The following AUTS2 variants were observed in gnomAD, a reference collection of about 807,000 sequenced individuals.
AUTS2 encodes the protein autism susceptibility gene 2 protein.
AUTS2 carries 17 observed loss-of-function variants against 112.4 expected under a neutral mutation model. The ratio of observed to expected loss-of-function variants is 0.15; its 90% CI spans 0.10 to 0.23. AUTS2 has a LOEUF of 0.23. Ranked by LOEUF, AUTS2 falls within the 10% of genes least tolerant of loss-of-function variation. AUTS2 has a pLI of 1.00. For synonymous variants in AUTS2, 751 were observed against 702.7 expected, an observed-to-expected ratio of 1.07 and a Z score of -1.09; for missense variants, 1,510 against 1,701.6, an observed-to-expected ratio of 0.89 and a Z score of 1.98.
chr7:70,538,065 A>C (rs1800393492), intron 5 of AUTS2, among the ~76,000 whole-genome samples: 1 of 152,160 alleles, frequency 6.6e-6, no homozygotes, highest in South Asian at 2.1e-4. Flanking sequence ...GTGAGACCCC[A>C]TTTCTACAAA....
intron 4 of AUTS2, among the ~76,000 whole-genome samples, chr7:70,192,001 A>G (rs1326027496): frequency 6.6e-6 from 1 of 151,988 alleles, no homozygotes; most frequent in African/African-American, 2.4e-5. Flanking sequence ...AAAAGAAAAG[A>G]GAAAAGTAGT....
intron 1 of AUTS2, among the ~76,000 whole-genome samples, chr7:69,847,293 A>G (rs886416221): frequency 6.6e-6 from 1 of 152,198 alleles, no homozygotes; most frequent in Non-Finnish European, 1.5e-5. Context: ...GAGCGTGTGG[A>G]TAGAGAGAGG....
intron 2 of AUTS2, among the ~76,000 whole-genome samples, chr7:70,034,926 G>A (rs1035609929): frequency 2.0e-5 from 3 of 152,040 alleles, no homozygotes; most frequent in Non-Finnish European, 4.4e-5. Flanking sequence ...GGAATTTTTG[G>A]GCCCAAGCGA....
chr7:70,154,752 G>T (rs2129576650), intron 4 of AUTS2, among the ~76,000 whole-genome samples: 2 of 152,348 alleles, frequency 1.3e-5, no homozygotes, highest in South Asian at 4.1e-4. Context: ...GACTTTGGAG[G>T]CTGGAGTGCA....
chr7:70,079,224 G>A (rs1005633817), intron 2 of AUTS2, among the ~76,000 whole-genome samples: 1 of 152,142 alleles, frequency 6.6e-6, no homozygotes, highest in Non-Finnish European at 1.5e-5. Flanking sequence ...GTGACAAAAG[G>A]ATTGTACTTT....
At chr7:70,526,989 A>G (rs768501406) in intron 5 of AUTS2, among the ~76,000 whole-genome samples, 1 of 152,244 alleles carries the variant, frequency 6.6e-6, no homozygotes, top group Non-Finnish European at 1.5e-5. Context: ...TCCATGTCTT[A>G]TGATTTTTCA....
At chr7:70,649,904 T>C (rs1806403958) in intron 5 of AUTS2, among the ~76,000 whole-genome samples, 1 of 152,172 alleles carries the variant, frequency 6.6e-6, no homozygotes, top group Non-Finnish European at 1.5e-5. Context: ...GCCTCAATCA[T>C]GTGGTGCTTG....
At chr7:70,213,214 A>G (rs1810999363) in intron 4 of AUTS2, among the ~76,000 whole-genome samples, 2 of 152,104 alleles carry the variant, frequency 1.3e-5, no homozygotes, top group Non-Finnish European at 2.9e-5. Flanking sequence ...AACTGGATTA[A>G]TGTGAAATGA....
chr7:70,720,516 A>G (rs1334662553), intron 6 of AUTS2, among the ~76,000 whole-genome samples: 1 of 152,130 alleles, frequency 6.6e-6, no homozygotes, highest in African/African-American at 2.4e-5. Flanking sequence ...AGTGTTATGG[A>G]GAGGAAAGTA....
intron 5 of AUTS2, among the ~76,000 whole-genome samples, chr7:70,509,206 C>A (rs1585233548): frequency 6.6e-6 from 1 of 152,204 alleles, no homozygotes; most frequent in East Asian, 1.9e-4. Flanking sequence ...GTGCTTGACA[C>A]AGGGAATACA....
chr7:69,914,394 CAA>C (rs1491500923), intron 2 of AUTS2, among the ~76,000 whole-genome samples: 7 of 148,422 alleles, frequency 4.7e-5, no homozygotes, highest in African/African-American at 1.5e-4. Context: ...CACACACACA[CAA>C]ACAATCCAGA....
chr7:70,370,253 C>G (rs1346760938), intron 4 of AUTS2, among the ~76,000 whole-genome samples: 1 of 152,096 alleles, frequency 6.6e-6, no homozygotes, highest in Admixed American at 6.5e-5. Context: ...CATTCATCAC[C>G]ATAATCAATT....
chr7:70,010,830 A>G (rs982962948), intron 2 of AUTS2, among the ~76,000 whole-genome samples: 2 of 152,188 alleles, frequency 1.3e-5, no homozygotes, highest in Admixed American at 1.3e-4. Flanking sequence ...TGCTCACCAG[A>G]TTGCTTCTGT....
intron 4 of AUTS2, among the ~76,000 whole-genome samples, chr7:70,356,942 G>A (rs1051142026): frequency 6.6e-6 from 1 of 152,150 alleles, no homozygotes; most frequent in Admixed American, 6.5e-5. Context: ...GCTTCAAAAT[G>A]ACCCCTTGAG....
chr7:70,411,920 CTT>C (rs545022866), intron 4 of AUTS2, among the ~76,000 whole-genome samples: 9 of 130,838 alleles, frequency 6.9e-5, no homozygotes, highest in Admixed American at 7.8e-5. Flanking sequence ...TTCCTTTTTT[CTT>C]TTTTTTTTTT....
At chr7:69,874,886 G>T (rs1259950383) in intron 1 of AUTS2, among the ~76,000 whole-genome samples, 3 of 151,504 alleles carry the variant, frequency 2.0e-5, no homozygotes, top group Non-Finnish European at 2.9e-5. Flanking sequence ...GGCCAGGCTG[G>T]TCGCGAACTC....
chr7:70,735,571 AC>A (rs1346413226), intron 6 of AUTS2, among the ~76,000 whole-genome samples: 1 of 152,048 alleles, frequency 6.6e-6, no homozygotes, highest in Non-Finnish European at 1.5e-5. Context: ...CGGGTGCATC[AC>A]CCTGTCTTCC....
intron 4 of AUTS2, among the ~76,000 whole-genome samples, chr7:70,280,321 G>C (rs958594126): frequency 1.6e-5 from 2 of 123,788 alleles, no homozygotes; most frequent in Admixed American, 9.9e-5. Flanking sequence ...GTCTCGCTCT[G>C]TCCCCAGGCT....
intron 2 of AUTS2, among the ~76,000 whole-genome samples, chr7:70,109,640 G>A (rs531208972): frequency 2.0e-5 from 3 of 152,294 alleles, no homozygotes; most frequent in South Asian, 2.1e-4. Flanking sequence ...GGGTTATGGA[G>A]ACCAACGTTT....
Sources: gnomAD v4.1 joint callset for allele counts (sites outside exome capture counted in the v4.1 genomes callset) on GRCh38, gnomAD v4.1.1 for gene constraint, MANE v1.5 for transcripts, NCBI Gene and HGNC (gene_info 2026-07-23, HGNC 2026-07-21) for gene names.